The following TNFRSF21 variants were observed in gnomAD, a reference collection of about 807,000 sequenced individuals.
TNFRSF21 encodes tumor necrosis factor receptor superfamily member 21.
In TNFRSF21, 19 loss-of-function variants were observed where a neutral mutation model predicts 45.6. That is an observed-to-expected ratio of 0.42 (90% CI 0.29 to 0.61). The LOEUF is 0.61. Among genes scored for constraint, TNFRSF21 ranks in the 20% least tolerant of loss-of-function variants. The pLI is 0.23. For synonymous variants in TNFRSF21, 314 were observed against 335.5 expected (o/e 0.94, Z 0.70); for missense variants, 737 against 851.5 (o/e 0.87, Z 1.67).
chr6:47,267,877 C>T (rs898761875), intron 3 of TNFRSF21, among the ~76,000 whole-genome samples: 2 of 152,192 alleles, frequency 1.3e-5, no homozygotes, highest in Non-Finnish European at 2.9e-5. Flanking sequence ...CCCCATCTTT[C>T]TGAATCTTGA....
In TNFRSF21 at chr6:47,231,977, T is replaced by C. The variant is rs2113839828; in HGVS notation, c.*788A>G. ...AAGTTCAAGTTCTTTGGTGGCCCAGTTGTCAAGCCACTTAAATAGCAAATC... is the reference window on the plus strand; with the variant it reads ...AAGTTCAAGTTCTTTGGTGGCCCAGCTGTCAAGCCACTTAAATAGCAAATC... On this transcript the variant is annotated 3_prime_UTR_variant, in exon 6 of 6. Transcript: ENST00000296861. 6.5e-6 allele frequency: 1 copy of C among 152,768 alleles called. No individual in the cohort carries two copies. Among genetic ancestry groups the C allele is most frequent in the Non-Finnish European group, 1.5e-5 (1 of 68,048 alleles). 9.5% of individuals were successfully genotyped at this position (152,768 alleles called of 1,614,324 possible). A position where few individuals can be genotyped will look rare whatever the true frequency, so the allele number is the denominator to read the frequency against.
intron 3 of TNFRSF21, among the ~76,000 whole-genome samples, chr6:47,268,440 G>A (rs974259939): frequency 1.3e-5 from 2 of 152,198 alleles, no homozygotes; most frequent in African/African-American, 4.8e-5. Context: ...TAAAGTCAGA[G>A]AATGTCAAAA....
intron 3 of TNFRSF21, among the ~76,000 whole-genome samples, chr6:47,272,336 A>C (rs1300899117): frequency 6.6e-6 from 1 of 152,216 alleles, no homozygotes; most frequent in African/African-American, 2.4e-5. Context: ...CAGTGCAATT[A>C]AATTAGAACT....
chr6:47,290,604 C>T (rs1051788334), intron 1 of TNFRSF21, among the ~76,000 whole-genome samples: 1 of 152,162 alleles, frequency 6.6e-6, no homozygotes, highest in South Asian at 2.1e-4. Flanking sequence ...GATCAAGTTT[C>T]TAATTAAAGC....
At chr6:47,289,993 C>CA (rs1249924699) in intron 1 of TNFRSF21, among the ~76,000 whole-genome samples, 3 of 150,828 alleles carry the variant, frequency 2.0e-5, no homozygotes, top group Admixed American at 6.6e-5. Flanking sequence ...GACTCCATCT[C>CA]AAAAAAAAGA....
chr6:47,278,924 A>G (rs1762532165), intron 3 of TNFRSF21, among the ~76,000 whole-genome samples: 1 of 152,234 alleles, frequency 6.6e-6, no homozygotes, highest in South Asian at 2.1e-4. Flanking sequence ...AATGCTTACT[A>G]CAGTGTCTCC....
At chr6:47,251,608 T>C (rs528081480) in intron 4 of TNFRSF21, among the ~76,000 whole-genome samples, 3 of 152,334 alleles carry the variant, frequency 2.0e-5, no homozygotes, top group African/African-American at 7.2e-5. Context: ...GTTATCTTTC[T>C]TTTAGGCATC....
At position 47,284,444 on chromosome 6, in the gene TNFRSF21, A is replaced by T; in HGVS notation, c.749-12T>A. The T allele has an allele frequency of 6.6e-7, 1 of 1,508,770 alleles. No homozygotes were observed. The highest frequency in any genetic ancestry group is 1.4e-5 in the South Asian group (1 of 72,340). The allele number at this position is 1,508,770 out of a possible 1,614,324, so 93.5% of individuals were successfully genotyped here. ...TGTTGAGTTCATGCCTAGAAAAAAGAGTAAGGAGGGGGGAAGAGCTTTTCC... is the reference window on the plus strand; with the variant it reads ...TGTTGAGTTCATGCCTAGAAAAAAGTGTAAGGAGGGGGGAAGAGCTTTTCC... On this transcript the variant is annotated splice_polypyrimidine_tract_variant and intron_variant, in intron 2 of 5. Transcript: ENST00000296861.
chr6:47,285,902 T>C (rs1762638804), intron 2 of TNFRSF21, 42 bp downstream of exon 2: 4 of 1,594,720 alleles, frequency 2.5e-6, no homozygotes, highest in Non-Finnish European at 3.4e-6. Flanking sequence ...TCCACTGGGC[T>C]CAAAGCCTTC....
chr6:47,268,616 C>T (rs1267041434), intron 3 of TNFRSF21, among the ~76,000 whole-genome samples: 2 of 134,856 alleles, frequency 1.5e-5, no homozygotes, highest in Non-Finnish European at 3.4e-5. Flanking sequence ...CCTAATTTAT[C>T]TCACAGCCAG....
chr6:47,284,061 A>G lies in TNFRSF21; in HGVS notation c.1120T>C (p.Ser374Pro), dbSNP rs1306605369. 1 of 1,614,170 alleles carries G rather than the reference A, an allele frequency of 6.2e-7. No individual in the cohort carries two copies. The highest frequency in any genetic ancestry group is 8.5e-7 in the Non-Finnish European group (1 of 1,180,044). ...CGGGGCCCCTTTTTCAGAGTCCTCG[A>G]GCTTTTCCGGATACTGCACACCACA... ...VIVVCSIRKS[S>P]RTLKKGPRQD... Residue 374 changes from serine (S) to proline (P), a missense_variant, in exon 3 of 6, where the codon TCG becomes CCG. Transcript: ENST00000296861.
At position 47,286,428 on chromosome 6, in the gene TNFRSF21, G is replaced by A. The variant is rs142572323; in HGVS notation, c.264C>T (p.Cys88=). 3.7e-6 allele frequency: 6 copies of A among 1,614,122 alleles called. No homozygotes were observed. The African/African-American group carries it at 5.3e-5, about 14-fold the overall frequency. The change falls in exon 2 of 6, where the codon TGC becomes TGT. Residue 88 remains cysteine, a synonymous_variant. Coordinates refer to ENST00000296861, the MANE Select transcript of TNFRSF21 (RefSeq NM_014452.5). Reference sequence around the variant, plus strand: ...TAAAGGTCCCCACAGGGCAACTGCTGCAGACGCGCAGGCTTGTGTTGGTAC... The same window carrying A: ...TAAAGGTCCCCACAGGGCAACTGCTACAGACGCGCAGGCTTGTGTTGGTAC... ...EHCTNTSLRV[C]SSCPVGTFTR... is the part of the protein sequence containing the mutation.
At chr6:47,297,259 GTC>G (rs1030037423) in intron 1 of TNFRSF21, among the ~76,000 whole-genome samples, 1 of 152,136 alleles carries the variant, frequency 6.6e-6, no homozygotes, top group African/African-American at 2.4e-5. Context: ...TCACTTCTGT[GTC>G]TCTGCCTCCT....
chr6:47,261,665 C>T (rs1432094794), intron 3 of TNFRSF21, among the ~76,000 whole-genome samples: 1 of 152,248 alleles, frequency 6.6e-6, no homozygotes, highest in African/African-American at 2.4e-5. Context: ...CTGCCAGTGC[C>T]CTCTTCCCAT....
intron 1 of TNFRSF21, among the ~76,000 whole-genome samples, chr6:47,287,221 C>T (rs1184508995): frequency 6.9e-6 from 1 of 145,302 alleles, no homozygotes; most frequent in South Asian, 2.2e-4. Context: ...GCATGATAAT[C>T]GCTTGAACCC....
intron 3 of TNFRSF21, among the ~76,000 whole-genome samples, chr6:47,257,914 C>T (rs1765012169): frequency 6.6e-6 from 1 of 152,102 alleles, no homozygotes; most frequent in South Asian, 2.1e-4. Context: ...TTAGTGATGC[C>T]TCAATTGTGG....
chr6:47,268,102 T>C (rs923339218), intron 3 of TNFRSF21, among the ~76,000 whole-genome samples: 2 of 152,302 alleles, frequency 1.3e-5, no homozygotes, highest in South Asian at 4.1e-4. Context: ...TATGCACTAG[T>C]TCCCAGCTCA....
rs760563288 is a variant in TNFRSF21 at position 47,284,060 on chromosome 6, G to C, written c.1121C>G (p.Ser374Trp). ...VIVVCSIRKS[S>W]RTLKKGPRQD... ...CCGGGGCCCCTTTTTCAGAGTCCTC[G>C]AGCTTTTCCGGATACTGCACACCAC... Residue 374 changes from serine (S) to tryptophan (W), a missense_variant, in exon 3 of 6, where the codon TCG becomes TGG. Physicochemically the swap from Ser to Trp is radical, Grantham distance 177. Coordinates refer to ENST00000296861, the MANE Select transcript of TNFRSF21 (RefSeq NM_014452.5). 1.9e-6 allele frequency: 3 copies of C among 1,614,054 alleles called. No homozygotes were observed. The Admixed American group carries it at 5.0e-5, about 27-fold the overall frequency.
chr6:47,240,805 T>G (rs1459934398), intron 4 of TNFRSF21, among the ~76,000 whole-genome samples: 4 of 152,162 alleles, frequency 2.6e-5, no homozygotes, highest in Non-Finnish European at 5.9e-5. Flanking sequence ...ACCAGATACC[T>G]CAACTGTAGC....
Sources: gnomAD v4.1 joint callset for allele counts (sites outside exome capture counted in the v4.1 genomes callset) on GRCh38, gnomAD v4.1.1 for gene constraint, MANE v1.5 for transcripts, NCBI Gene and HGNC (gene_info 2026-07-23, HGNC 2026-07-21) for gene names.